The following TRIM33 variants were observed in gnomAD, a reference collection of about 807,000 sequenced individuals.
TRIM33 encodes the protein E3 ubiquitin-protein ligase TRIM33.
In TRIM33, 20 loss-of-function variants were observed where a neutral mutation model predicts 125.4. The ratio of observed to expected loss-of-function variants is 0.16; its 90% confidence interval spans 0.11 to 0.23. The LOEUF (loss-of-function observed/expected upper bound fraction) is 0.23. Ranked by LOEUF, TRIM33 falls within the 10% of genes least tolerant of loss-of-function variation. The probability of loss-of-function intolerance (pLI) is 1.00; values close to 1 mark genes in which losing one functional copy is unlikely to be tolerated. For synonymous variants in TRIM33, 564 were observed against 513.9 expected (o/e 1.10, Z -1.32); for missense variants, 920 against 1,411.4 (o/e 0.65, Z 5.58).
At chr1:114,473,577 CGGAATGAGTCAGTGTGGAGCAGGTAATT>C (rs1314972569) in intron 1 of TRIM33, among the ~76,000 whole-genome samples, 1 of 151,918 alleles carries the variant, frequency 6.6e-6, no homozygotes, top group Non-Finnish European at 1.5e-5. Context: ...AGCAGGTAAT[CGGAATGAGTCAGTGTGGAGCAGGTAATT>C]GGAATGAGTC....
chr1:114,510,898 G>C lies in TRIM33; in HGVS notation c.179C>G (p.Ala60Gly). 7.0e-7 allele frequency: 1 copy of C among 1,429,200 alleles called. No individual in the cohort carries two copies. Among genetic ancestry groups the C allele is most frequent in the Non-Finnish European group, 9.1e-7 (1 of 1,099,082 alleles). The allele number at this position is 1,429,200 out of a possible 1,614,324, so 88.5% of individuals were successfully genotyped here. A position where few individuals can be genotyped will look rare whatever the true frequency, so the allele number is the denominator to read the frequency against. ...GGCCACCCCCCCGTCGTCGGGCCCG[G>C]CCGCGCCGCCCTCAGCGCCGGCCCT... ...GGRAGAEGGAAGPDDGGVAAA... is the reference protein window; with the variant it reads ...GGRAGAEGGAGGPDDGGVAAA... Residue 60 changes from alanine to glycine, a missense_variant, in exon 1 of 20, where the codon GCC becomes GGC. Around this residue, in one of 8 missense-constraint regions of TRIM33, gnomAD observed 233 missense variants for 189.6 expected, o/e 1.23. Coordinates refer to ENST00000358465, the MANE Select transcript of TRIM33 (RefSeq NM_015906.4).
intron 11 of TRIM33, among the ~76,000 whole-genome samples, chr1:114,414,496 C>A (rs756681211): frequency 2.6e-5 from 4 of 152,198 alleles, no homozygotes; most frequent in Admixed American, 6.5e-5. Flanking sequence ...AAATTCTGCC[C>A]TTTTTCCTAA....
At chr1:114,499,941 A>G (rs575411914) in intron 1 of TRIM33, among the ~76,000 whole-genome samples, 21 of 152,304 alleles carry the variant, frequency 1.4e-4, no homozygotes, top group African/African-American at 5.1e-4. Flanking sequence ...CAGGCAGATC[A>G]CTTGAGCTCA....
At chr1:114,479,720 G>A (rs1651186522) in intron 1 of TRIM33, among the ~76,000 whole-genome samples, 1 of 151,446 alleles carries the variant, frequency 6.6e-6, no homozygotes, top group South Asian at 2.1e-4. Flanking sequence ...GTGGAACAAA[G>A]TTGCTATATT....
chr1:114,416,917 C>T (rs1485736060), intron 11 of TRIM33, among the ~76,000 whole-genome samples: 3 of 152,172 alleles, frequency 2.0e-5, no homozygotes, highest in African/African-American at 4.8e-5. Flanking sequence ...TGGTACACTA[C>T]GTTCATACTT....
chr1:114,478,711 A>G (rs568288649), intron 1 of TRIM33, among the ~76,000 whole-genome samples: 4 of 152,232 alleles, frequency 2.6e-5, no homozygotes, highest in Non-Finnish European at 5.9e-5. Context: ...ACAGATTAAA[A>G]GTACATGCAA....
At chr1:114,421,769 G>T in intron 10 of TRIM33, 133 bp from the exon 11 acceptor site, 1 of 809,192 alleles carries the variant, frequency 1.2e-6, no homozygotes, top group Non-Finnish European at 1.9e-6. Flanking sequence ...TTATTCAGGA[G>T]AAGAACAGTT....
At chr1:114,416,792 T>C (rs1320165907) in intron 11 of TRIM33, among the ~76,000 whole-genome samples, 1 of 152,174 alleles carries the variant, frequency 6.6e-6, no homozygotes, top group East Asian at 1.9e-4. Context: ...CCAAATTCAG[T>C]AGAAAAAGAG....
At chr1:114,463,369 G>A in intron 3 of TRIM33, 43 bp downstream of exon 3, 1 of 1,581,300 alleles carries the variant, frequency 6.3e-7, no homozygotes, top group Non-Finnish European at 8.6e-7. Context: ...AAAGAAGGAG[G>A]TTAACTGTAA....
At chr1:114,464,503 A>G in intron 1 of TRIM33, 115 bp from the exon 2 acceptor site, 1 of 560,672 alleles carries the variant, frequency 1.8e-6, no homozygotes, top group South Asian at 3.1e-5. Flanking sequence ...ATGAGCATCA[A>G]GAGCTCAGTA....
At chr1:114,429,816 T>C (rs1364540981) in intron 6 of TRIM33, among the ~76,000 whole-genome samples, 1 of 152,146 alleles carries the variant, frequency 6.6e-6, no homozygotes, top group Non-Finnish European at 1.5e-5. Context: ...CATGAAATTT[T>C]CAATCAGGAA....
chr1:114,431,902 T>A (rs895896722), intron 5 of TRIM33, among the ~76,000 whole-genome samples: 7 of 152,138 alleles, frequency 4.6e-5, no homozygotes, highest in African/African-American at 1.7e-4. Flanking sequence ...AAATATAAAA[T>A]GATTGGGCTG....
chr1:114,424,160 T>C (rs1172369099), intron 10 of TRIM33, among the ~76,000 whole-genome samples: 1 of 151,862 alleles, frequency 6.6e-6, no homozygotes, highest in African/African-American at 2.4e-5. Flanking sequence ...AAAAAAATAA[T>C]AATAATAATA....
chr1:114,505,265 A>G (rs749235287), intron 1 of TRIM33, among the ~76,000 whole-genome samples: 20 of 152,206 alleles, frequency 1.3e-4, no homozygotes, highest in African/African-American at 4.6e-4. Flanking sequence ...GGAGTACCAC[A>G]TGATCATTCA....
chr1:114,504,760 C>T (rs1222080345), intron 1 of TRIM33, among the ~76,000 whole-genome samples: 7 of 152,138 alleles, frequency 4.6e-5, no homozygotes, highest in Admixed American at 3.9e-4. Context: ...AAATACTAGA[C>T]ATTATAAAGA....
At chr1:114,446,360 T>C (rs575511746) in intron 4 of TRIM33, among the ~76,000 whole-genome samples, 1 of 152,280 alleles carries the variant, frequency 6.6e-6, no homozygotes, top group East Asian at 1.9e-4. Context: ...TTCTCATAAC[T>C]TCCTTAAAAG....
intron 11 of TRIM33, among the ~76,000 whole-genome samples, chr1:114,418,157 C>G (rs1303890022): frequency 6.6e-6 from 1 of 152,208 alleles, no homozygotes; most frequent in Non-Finnish European, 1.5e-5. Flanking sequence ...AAAGGGGAAG[C>G]AGGCACCTTC....
At chr1:114,452,700 C>T (rs1166749009) in intron 4 of TRIM33, among the ~76,000 whole-genome samples, 5 of 144,390 alleles carry the variant, frequency 3.5e-5, no homozygotes, top group East Asian at 4.1e-4. Context: ...GTTCAAGACC[C>T]GGGCAACATG....
Position 114,414,027 on chromosome 1 carries a change from GCACACACACACACACA to G in TRIM33, c.2062-3727_2062-3712del, listed in dbSNP as rs3077592. Among the ~76,000 whole-genome samples, 286 of 130,682 alleles carry G rather than the reference GCACACACACACACACA, an allele frequency of 2.2e-3. 2 individuals carry two copies. Among genetic ancestry groups the G allele is most frequent in the African/African-American group, 7.2e-3 (243 of 33,644 alleles). 85.7% of individuals were successfully genotyped at this position (130,682 alleles called of 152,430 possible). A position where few individuals can be genotyped will look rare whatever the true frequency, so the allele number is the denominator to read the frequency against. On this transcript the variant is annotated intron_variant, in intron 11 of 19. Transcript: ENST00000358465. ...CAAAATAAACCAAAATAAATCACAG[GCACACACACACACACA>G]CACACACACACACACACACACACAC...
Sources: gnomAD v4.1 joint callset for allele counts (sites outside exome capture counted in the v4.1 genomes callset) on GRCh38, gnomAD v4.1.1 for gene constraint, gnomAD v4.1.1 regional missense constraint, MANE v1.5 for transcripts, NCBI Gene and HGNC (gene_info 2026-07-23, HGNC 2026-07-21) for gene names.